The following TET1 variants were observed in gnomAD, a reference collection of about 807,000 sequenced individuals.
TET1 encodes tet methylcytosine dioxygenase 1.
TET1 carries 13 observed loss-of-function variants against 148.7 expected under a neutral mutation model. The ratio of observed to expected loss-of-function variants is 0.09; its 90% CI spans 0.06 to 0.14. TET1 has a LOEUF of 0.14. TET1 is among the 10% of genes least tolerant of loss of function. The pLI is 1.00. For missense variants in TET1, 2,182 were observed against 2,553.8 expected (o/e 0.85, Z 3.14); for synonymous variants, 907 against 937.2 (o/e 0.97, Z 0.59).
chr10:68,639,457 C>CTATTATTATTATTAT (rs1420408017), intron 3 of TET1, among the ~76,000 whole-genome samples: 7 of 143,158 alleles, frequency 4.9e-5, no homozygotes, highest in African/African-American at 1.8e-4. Flanking sequence ...ACTACTACTA[C>CTATTATTATTATTAT]TACTACTACT....
At chr10:68,662,645 T>G (rs996227267) in intron 6 of TET1, among the ~76,000 whole-genome samples, 4 of 152,180 alleles carry the variant, frequency 2.6e-5, no homozygotes, top group Non-Finnish European at 5.9e-5. Context: ...CTCACACCTG[T>G]AATCCCAGCA....
In TET1 at chr10:68,572,657, C is replaced by T. The variant is rs771320434; in HGVS notation, c.319C>T (p.Arg107Ter). Residue 107 changes from arginine (R) to a stop codon, truncating the protein, a stop_gained, in exon 2 of 12, where the codon CGA becomes TGA. Coordinates refer to ENST00000373644, the MANE Select transcript of TET1 (RefSeq NM_030625.3). LOFTEE classifies it high-confidence loss of function. ...LTCNGFTMALRSTSLSRRLSQ... is the reference protein window; with the variant it reads ...LTCNGFTMAL ...CTGCAATGGGTTTACAATGGCGCTA[C>T]GAAGCACCTCTCTTAGCAGGCGACT... 1 of 1,614,060 alleles carries T rather than the reference C, an allele frequency of 6.2e-7. No individual in the cohort carries two copies. The highest frequency in any genetic ancestry group is 8.5e-7 in the Non-Finnish European group (1 of 1,180,008).
At position 68,644,783 on chromosome 10, in the gene TET1, T is replaced by G. The variant is rs2054814056; in HGVS notation, c.2054T>G (p.Leu685Trp). 6.2e-7 allele frequency: 1 copy of G among 1,613,598 alleles called. No individual in the cohort carries two copies. The highest frequency in any genetic ancestry group is 8.5e-7 in the Non-Finnish European group (1 of 1,179,892). Residue 685 changes from leucine to tryptophan, a missense_variant, in exon 4 of 12, where the codon TTG becomes TGG. By Grantham distance (61) the Leu-to-Trp change is moderately conservative. Around this residue, in one of 11 missense-constraint regions of TET1, gnomAD observed 226 missense variants for 307.4 expected, o/e 0.74. Transcript: ENST00000373644. ...TGTGGTCATGGGGAAGAACAAAAATTGGAATTGAACCCACATACTGTTGAA... is the reference window on the plus strand; with the variant it reads ...TGTGGTCATGGGGAAGAACAAAAATGGGAATTGAACCCACATACTGTTGAA... ...SRCGHGEEQK[L>W]ELNPHTVENV... is the part of the protein sequence containing the mutation.
chr10:68,603,729 T>C (rs2054087488), intron 3 of TET1, among the ~76,000 whole-genome samples: 1 of 152,204 alleles, frequency 6.6e-6, no homozygotes, highest in Non-Finnish European at 1.5e-5. Flanking sequence ...TATAATCACA[T>C]GAGCTATATG....
intron 3 of TET1, among the ~76,000 whole-genome samples, chr10:68,638,031 C>T (rs981717715): frequency 2.0e-5 from 3 of 152,130 alleles, no homozygotes; most frequent in South Asian, 2.1e-4. Context: ...CCACTCACTG[C>T]AGCTTCCAAA....
chr10:68,651,082 A>C (rs756471595), intron 4 of TET1, among the ~76,000 whole-genome samples: 8 of 152,188 alleles, frequency 5.3e-5, no homozygotes, highest in Non-Finnish European at 7.3e-5. Context: ...TTTAAACCAC[A>C]TGTTATTGAC....
chr10:68,638,797 G>GTC (rs1384343316), intron 3 of TET1, among the ~76,000 whole-genome samples: 3 of 150,614 alleles, frequency 2.0e-5, no homozygotes, highest in African/African-American at 5.0e-5. Context: ...GTGTGTGTGT[G>GTC]TGTGTGTGTG....
chr10:68,693,652 A>G lies in TET1; in HGVS notation c.*1838A>G. On this transcript the variant is annotated 3_prime_UTR_variant, in exon 12 of 12. Transcript: ENST00000373644. ...TGTTTTAGTATTTTGTGTGCCTTAGATTTCCGTTTTAAGACATGTATATTT... is the reference window on the plus strand; with the variant it reads ...TGTTTTAGTATTTTGTGTGCCTTAGGTTTCCGTTTTAAGACATGTATATTT... 1 of 232,362 alleles carries G rather than the reference A, an allele frequency of 4.3e-6. No homozygotes were observed. Among genetic ancestry groups the G allele is most frequent in the Non-Finnish European group, 8.5e-6 (1 of 117,582 alleles). The allele number at this position is 232,362 out of a possible 1,614,324, so 14.4% of individuals were successfully genotyped here.
At chr10:68,599,263 GC>G (rs2054024088) in intron 2 of TET1, among the ~76,000 whole-genome samples, 1 of 152,206 alleles carries the variant, frequency 6.6e-6, no homozygotes, top group African/African-American at 2.4e-5. Context: ...AGGCCCTCCT[GC>G]CAATCCCCGA....
rs2055434588 is a variant in TET1 at position 68,681,566 on chromosome 10, G to A, written c.4914+78G>A. 4.3e-6 allele frequency: 4 copies of A among 937,366 alleles called. No homozygotes were observed. The Admixed American group carries it at 6.6e-5, about 16-fold the overall frequency. The allele number at this position is 937,366 out of a possible 1,614,324, so 58.1% of individuals were successfully genotyped here. A position where few individuals can be genotyped will look rare whatever the true frequency, so the allele number is the denominator to read the frequency against. ...GCTTTGTTGCCCAGGCAGCAGTACA[G>A]TGGCATGATCAAAGCTTACTACAAA... On this transcript the variant is annotated intron_variant, in intron 9 of 11. Coordinates refer to ENST00000373644, the MANE Select transcript of TET1 (RefSeq NM_030625.3).
chr10:68,623,112 A>C (rs557026445), intron 3 of TET1, among the ~76,000 whole-genome samples: 19 of 152,216 alleles, frequency 1.2e-4, no homozygotes, highest in African/African-American at 4.6e-4. Flanking sequence ...TTGTGGGGAG[A>C]TACTTGGAGA....
chr10:68,674,509 G>A (rs771992215), intron 8 of TET1: 33 of 468,362 alleles, frequency 7.0e-5, no homozygotes, highest in South Asian at 1.0e-4. Context: ...CTCAAGGGTC[G>A]TGTATTTGAA....
rs137878100 is a variant in TET1 at position 68,665,059 on chromosome 10, G to C, written c.4462-1986G>C. 9.5e-3 allele frequency among the ~76,000 whole-genome samples: 1,452 copies of C among 152,190 alleles called. 14 individuals carry two copies. The highest frequency in any genetic ancestry group is 0.016 in the South Asian group (76 of 4,824). On this transcript the variant is annotated intron_variant, in intron 6 of 11. Coordinates refer to ENST00000373644, the MANE Select transcript of TET1 (RefSeq NM_030625.3). ...AATCCTGGCATTACAAGTGTGAGCTGCGGCACCCAGCCTTTTTTATCTTTT... is the reference window on the plus strand; with the variant it reads ...AATCCTGGCATTACAAGTGTGAGCTCCGGCACCCAGCCTTTTTTATCTTTT...
At chr10:68,686,753 AGATG>A in intron 11 of TET1, 46 bp downstream of exon 11, 1 of 1,533,254 alleles carries the variant, frequency 6.5e-7, no homozygotes, top group South Asian at 1.2e-5. Context: ...TTTGATGGAT[AGATG>A]TGTTTGGACT....
chr10:68,663,178 A>T (rs2055147014), intron 6 of TET1, among the ~76,000 whole-genome samples: 1 of 152,136 alleles, frequency 6.6e-6, no homozygotes, highest in Non-Finnish European at 1.5e-5. Context: ...CATGATGCTC[A>T]TTTACCCTTC....
intron 2 of TET1, among the ~76,000 whole-genome samples, chr10:68,590,273 C>T (rs751054336): frequency 5.9e-5 from 9 of 151,746 alleles, no homozygotes; most frequent in Admixed American, 1.3e-4. Flanking sequence ...CCACCATGCC[C>T]GGCTAGTGTT....
At chr10:68,622,616 A>G (rs2054393825) in intron 3 of TET1, among the ~76,000 whole-genome samples, 1 of 151,912 alleles carries the variant, frequency 6.6e-6, no homozygotes, top group African/African-American at 2.4e-5. Context: ...ACAGTTCCAC[A>G]CAGTTCCTCA....
chr10:68,601,011 G>A lies in TET1; in HGVS notation c.1945G>A (p.Glu649Lys), dbSNP rs1217553216. Residue 649 changes from glutamate to lysine, a missense_variant, in exon 3 of 12, where the codon GAA (glutamate) becomes AAA (lysine). Glu to Lys is a moderately conservative substitution (Grantham distance 56, BLOSUM62 1). This residue lies in a region of TET1 where 226 missense variants were observed against 307.4 expected (regional missense o/e 0.74). Transcript: ENST00000373644. ...AAAGGAAAACAAGAGGCCCCAGAGG[G>A]AAAAGAAGCCCAAAGTTTTAAAGGT... ...VIKENKRPQR[E>K]KKPKVLKADF... 1 of 1,605,440 alleles carries A rather than the reference G, an allele frequency of 6.2e-7. No individual in the cohort carries two copies. Among genetic ancestry groups the A allele is most frequent in the Non-Finnish European group, 8.5e-7 (1 of 1,178,188 alleles).
chr10:68,583,936 C>G (rs1267592217), intron 2 of TET1, among the ~76,000 whole-genome samples: 1 of 151,974 alleles, frequency 6.6e-6, no homozygotes, highest in African/African-American at 2.4e-5. Context: ...ATATTAACTT[C>G]CAAAGCCCAA....
Sources: gnomAD v4.1 joint callset for allele counts (sites outside exome capture counted in the v4.1 genomes callset) on GRCh38, gnomAD v4.1.1 for gene constraint, gnomAD v4.1.1 regional missense constraint, MANE v1.5 for transcripts, NCBI Gene and HGNC (gene_info 2026-07-23, HGNC 2026-07-21) for gene names.